CARD14: variants seen among roughly 807,000 people sequenced by gnomAD.
The protein encoded by CARD14 is caspase recruitment domain family member 14, also known as caspase recruitment domain-containing protein 14.
In CARD14, 107 loss-of-function variants were observed where a neutral mutation model predicts 111.5. That is an observed-to-expected ratio of 0.96 (90% CI 0.82 to 1.13). The LOEUF (loss-of-function observed/expected upper bound fraction) is 1.13, where lower values mean the gene tolerates loss of function less well. Among genes scored for constraint, CARD14 ranks in the 50% most tolerant of loss-of-function variants. CARD14 has a pLI of 0.00. For synonymous variants in CARD14, 617 were observed against 579.6 expected, an observed-to-expected ratio of 1.06 and a Z score of -0.93; for missense variants, 1,322 against 1,362.3, an observed-to-expected ratio of 0.97 and a Z score of 0.47.
rs1317566491 is a variant in CARD14 at position 80,194,513 on chromosome 17, C to T, written c.1357-678C>T. Among the ~76,000 whole-genome samples, 3 of 152,216 alleles carry T rather than the reference C, an allele frequency of 2.0e-5. No homozygotes were observed. The East Asian group carries it at 5.8e-4, about 29-fold the overall frequency. On this transcript the variant is annotated intron_variant, in intron 12 of 23. Transcript: ENST00000648509. ...AGTCACTAACTCAACCTCTCTGGGCCTCAGTTGCTTTGTGCATTAGTTCGT... is the reference window on the plus strand; with the variant it reads ...AGTCACTAACTCAACCTCTCTGGGCTTCAGTTGCTTTGTGCATTAGTTCGT...
intron 1 of CARD14, among the ~76,000 whole-genome samples, chr17:80,171,193 C>T (rs1434681795): frequency 4.4e-5 from 4 of 91,520 alleles, no homozygotes; most frequent in African/African-American, 1.2e-4. Context: ...CTCCCTCCCT[C>T]CCTCCCTCCC....
intron 2 of CARD14, among the ~76,000 whole-genome samples, chr17:80,175,536 G>C (rs2040004763): frequency 1.3e-5 from 2 of 152,116 alleles, no homozygotes; most frequent in Non-Finnish European, 2.9e-5. Context: ...CTCTGCAGGA[G>C]CCAGAGACAT....
At chr17:80,204,449 G>A in intron 20 of CARD14, 108 bp downstream of exon 20, 3 of 1,075,158 alleles carry the variant, frequency 2.8e-6, no homozygotes, top group Non-Finnish European at 3.9e-6. Flanking sequence ...ACTCATTTAG[G>A]CCAGGATCTG....
chr17:80,179,693 A>G (rs1407877799), intron 4 of CARD14, among the ~76,000 whole-genome samples: 6 of 152,196 alleles, frequency 3.9e-5, no homozygotes, highest in Non-Finnish European at 5.9e-5. Flanking sequence ...GAAGCCAGGC[A>G]TGGTGGCGCA....
Position 80,202,182 on chromosome 17 carries a change from TA to T in CARD14, c.1982del (p.Tyr661LeufsTer61). The T allele has an allele frequency of 6.2e-7, 1 of 1,613,008 alleles. No individual in the cohort carries two copies. Among genetic ancestry groups the T allele is most frequent in the Non-Finnish European group, 8.5e-7 (1 of 1,179,342 alleles). ...CLSVKVNTDG[Y>X]KRLLQDLEAK... is the part of the protein sequence containing the mutation. ...TGGCTCATGTCCCCTTTTATCAGGT[TA>T]TAAGAGGCTACTCCAGGACCTGGAG... On this transcript the variant is annotated frameshift_variant, in exon 18 of 24. Coordinates refer to ENST00000648509, the MANE Select transcript of CARD14 (RefSeq NM_001366385.1). LOFTEE classifies it high-confidence loss of function.
chr17:80,177,969 C>A (rs1298368029), intron 2 of CARD14, among the ~76,000 whole-genome samples: 1 of 152,176 alleles, frequency 6.6e-6, no homozygotes, highest in Non-Finnish European at 1.5e-5. Context: ...GGGGTCAAGA[C>A]TTCAGCATTC....
chr17:80,192,637 G>T lies in CARD14; in HGVS notation c.1356+18G>T. ...CCACAGAGGTACGGCCGCTCCTCCCGCCTCCCTCACTGCCTTGACCCTCTG... is the reference window on the plus strand; with the variant it reads ...CCACAGAGGTACGGCCGCTCCTCCCTCCTCCCTCACTGCCTTGACCCTCTG... On this transcript the variant is annotated intron_variant, in intron 12 of 23. Coordinates refer to ENST00000648509, the MANE Select transcript of CARD14 (RefSeq NM_001366385.1). 1 of 1,583,886 alleles carries T rather than the reference G, an allele frequency of 6.3e-7. No individual in the cohort carries two copies. The highest frequency in any genetic ancestry group is 8.7e-7 in the Non-Finnish European group (1 of 1,155,196).
intron 2 of CARD14, among the ~76,000 whole-genome samples, chr17:80,177,154 C>T (rs1057254013): frequency 2.6e-5 from 4 of 152,202 alleles, no homozygotes; most frequent in Non-Finnish European, 5.9e-5. Context: ...GCGTGTCACT[C>T]CAGTCTCGGC....
rs897887533 is a variant in CARD14, at chr17:80,203,209, G to A, written c.2220-613G>A. On this transcript the variant is annotated intron_variant, in intron 18 of 23. Transcript: ENST00000648509. The surrounding 1 kb of genome is among the most constrained non-coding windows in gnomAD (Gnocchi z 4.6). ...CACTTGAACCCCGGAGGCAGAGGTT[G>A]CAGTGAGCCGGGATTGAGCCATTGC... 1.3e-5 allele frequency: 2 copies of A among 151,792 alleles called. No individual in the cohort carries two copies. The highest frequency in any genetic ancestry group is 4.8e-5 in the African/African-American group (2 of 41,246). 9.4% of individuals were successfully genotyped at this position (151,792 alleles called of 1,614,324 possible).
chr17:80,203,741 C>G lies in CARD14; in HGVS notation c.2220-81C>G, dbSNP rs971862848. 87 of 1,070,636 alleles carry G rather than the reference C, an allele frequency of 8.1e-5. No homozygotes were observed. Among genetic ancestry groups the G allele is most frequent in the Middle Eastern group, 2.5e-4 (1 of 3,938 alleles). The allele number at this position is 1,070,636 out of a possible 1,614,324, so 66.3% of individuals were successfully genotyped here. ...TTCTCTCCCACCCGGCCATCTCCCC[C>G]ACTCTCCCCTGCTCGGCTCTCCCCT... On this transcript the variant is annotated intron_variant, in intron 18 of 23. Transcript: ENST00000648509. This position sits in a 1 kb window ranked among gnomAD's most constrained non-coding sequence, Gnocchi z 4.6.
intron 12 of CARD14, among the ~76,000 whole-genome samples, chr17:80,193,338 T>C (rs1449208813): frequency 6.6e-6 from 1 of 151,116 alleles, no homozygotes; most frequent in African/African-American, 2.4e-5. Flanking sequence ...CAGACATGAG[T>C]TTCCAGGGGA....
chr17:80,188,446 C>T lies in CARD14; in HGVS notation c.745C>T (p.Gln249Ter). 6.2e-7 allele frequency: 1 copy of T among 1,609,030 alleles called. No homozygotes were observed. The highest frequency in any genetic ancestry group is 2.3e-5 in the East Asian group (1 of 44,362). The change falls in exon 8 of 24, where the codon CAG becomes TAG. Residue 249 changes from glutamine to a stop codon, truncating the protein, a stop_gained. Coordinates refer to ENST00000648509, the MANE Select transcript of CARD14 (RefSeq NM_001366385.1). LOFTEE classifies it high-confidence loss of function. The surrounding 1 kb of genome is among the most constrained non-coding windows in gnomAD (Gnocchi z 4.5). ...VSSCELELQEQSLRTASDQES... is the reference protein window; with the variant it reads ...VSSCELELQE Reference sequence around the variant, plus strand: ...CTCCTGTGAGCTGGAATTGCAAGAGCAGTCCCTGAGGACAGCCAGCGACCA... The same window carrying T: ...CTCCTGTGAGCTGGAATTGCAAGAGTAGTCCCTGAGGACAGCCAGCGACCA...
chr17:80,208,331 C>G lies in CARD14; in HGVS notation c.3001C>G (p.Gln1001Glu). 1.9e-6 allele frequency: 3 copies of G among 1,599,064 alleles called. No individual in the cohort carries two copies. The highest frequency in any genetic ancestry group is 1.7e-6 in the Non-Finnish European group (2 of 1,172,890). The change falls in exon 24 of 24, where the codon CAG becomes GAG. Residue 1001 changes from glutamine to glutamate, a missense_variant. Gln to Glu is a conservative substitution (Grantham distance 29). Transcript: ENST00000648509. The stretch of plus-strand genomic sequence containing the variant: ...GCAGAAGAAGGTGGTGTGGACGGAG[C>G]AGAGCCCCCGATGATGCACCGTGCC... ...DEQKKVVWTEQSPR is the reference protein window; with the variant it reads ...DEQKKVVWTEESPR
chr17:80,174,533 C>A (rs943392146), intron 2 of CARD14, among the ~76,000 whole-genome samples: 3 of 152,146 alleles, frequency 2.0e-5, no homozygotes, highest in Non-Finnish European at 4.4e-5. Context: ...TTAGATAGCA[C>A]AGGGTCATGG....
chr17:80,195,618 C>T lies in CARD14; in HGVS notation c.1560C>T (p.Asp520=), dbSNP rs1427197266. 5 of 1,613,386 alleles carry T rather than the reference C, an allele frequency of 3.1e-6. No individual in the cohort carries two copies. In the Admixed American group the frequency reaches 5.0e-5, roughly 16 times the overall value. Residue 520 remains aspartate (D), a synonymous_variant, in exon 14 of 24, where the codon GAC becomes GAT. Transcript: ENST00000648509. This position sits in a 1 kb window ranked among gnomAD's most constrained non-coding sequence, Gnocchi z 4.7. ...CCCTGCCGGGAGCTAAGGCAGGCGA[C>T]CCACACCTGGATTATGAGCTCCTAG... ...PGALPGAKAG[D]PHLDYELLDT...
intron 7 of CARD14, among the ~76,000 whole-genome samples, chr17:80,185,949 A>T (rs2040331000): frequency 6.6e-6 from 1 of 152,172 alleles, no homozygotes; most frequent in South Asian, 2.1e-4. Flanking sequence ...CTCACAGGGG[A>T]CGTCACACCG....
In CARD14 at chr17:80,208,456, GC is replaced by G; in HGVS notation, c.*113del. The stretch of plus-strand genomic sequence containing the variant: ...AGCTGTGGGCTCCTTGGCACATGAG[GC>G]CGGCTCTCCCCACTGGCTGGGGTCT... On this transcript the variant is annotated 3_prime_UTR_variant, in exon 24 of 24. Transcript: ENST00000648509. 1 of 1,026,144 alleles carries G rather than the reference GC, an allele frequency of 9.7e-7. No homozygotes were observed. The highest frequency in any genetic ancestry group is 1.6e-5 in the African/African-American group (1 of 62,272). The allele number at this position is 1,026,144 out of a possible 1,614,324, so 63.6% of individuals were successfully genotyped here. A position where few individuals can be genotyped will look rare whatever the true frequency, so the allele number is the denominator to read the frequency against.
intron 18 of CARD14, 105 bp downstream of exon 18, chr17:80,202,525 G>A (rs1434842764): frequency 1.7e-5 from 26 of 1,508,126 alleles, no homozygotes; most frequent in East Asian, 1.2e-4. Flanking sequence ...GAGGGTGGGC[G>A]TGGTGAGACC....
intron 2 of CARD14, 144 bp downstream of exon 2, chr17:80,173,372 G>A (rs2039954781): frequency 6.6e-6 from 1 of 152,636 alleles, no homozygotes; most frequent in African/African-American, 2.4e-5. Flanking sequence ...TCGGCAGATT[G>A]GATGAATGGA....
Sources: gnomAD v4.1 joint callset for allele counts (sites outside exome capture counted in the v4.1 genomes callset) on GRCh38, gnomAD v4.1.1 for gene constraint, Gnocchi (gnomAD v3.1) non-coding constraint, MANE v1.5 for transcripts, NCBI Gene and HGNC (gene_info 2026-07-23, HGNC 2026-07-21) for gene names.